CGREF1: variants seen among roughly 807,000 people sequenced by gnomAD.
CGREF1 encodes cell growth regulator with EF-hand domain 1.
Under a neutral mutation model 17.4 loss-of-function variants are expected in CGREF1, and 16 were observed. That is an observed-to-expected ratio of 0.92 (90% confidence interval 0.62 to 1.40). CGREF1 has a LOEUF of 1.40. Ranked by LOEUF, CGREF1 falls within the 40% of genes most tolerant of loss-of-function variation. The pLI, the probability that CGREF1 is intolerant of heterozygous loss-of-function variation, is 0.00. For synonymous variants in CGREF1, 142 were observed against 154.6 expected (o/e 0.92, Z 0.61); for missense variants, 296 against 376.4 (o/e 0.79, Z 1.77).
At position 27,101,050 on chromosome 2, in the gene CGREF1, T is replaced by C; in HGVS notation, c.*224A>G. 1.5e-6 allele frequency: 2 copies of C among 1,329,492 alleles called. No homozygotes were observed. Among genetic ancestry groups the C allele is most frequent in the Non-Finnish European group, 1.9e-6 (2 of 1,049,078 alleles). The allele number at this position is 1,329,492 out of a possible 1,614,324, so 82.4% of individuals were successfully genotyped here. On this transcript the variant is annotated 3_prime_UTR_variant, in exon 6 of 6. Coordinates refer to ENST00000402394, the MANE Select transcript of CGREF1 (RefSeq NM_006569.6). ...TTCCTCTGAGAGGGTCTGGGCAGGC[T>C]GGACGGGTAGAGAGGTGGCCGGGGG...
At chr2:27,099,512 G>A (rs549772974), downstream of CGREF1, 16 of 1,614,142 alleles carry the variant, frequency 9.9e-6, no homozygotes, top group South Asian at 9.9e-5. Flanking sequence ...CCGCCACCCC[G>A]CGTGGTGGAT....
chr2:27,110,339 C>T (rs1671318190), intron 1 of CGREF1, among the ~76,000 whole-genome samples: 1 of 152,000 alleles, frequency 6.6e-6, no homozygotes, highest in Non-Finnish European at 1.5e-5. Flanking sequence ...GACATTGAGG[C>T]AGTAGTAAGC....
chr2:27,105,910 G>C (rs2148386549), intron 1 of CGREF1, among the ~76,000 whole-genome samples: 1 of 152,266 alleles, frequency 6.6e-6, no homozygotes, highest in South Asian at 2.1e-4. Flanking sequence ...TAATTTGTTG[G>C]TGTCTATAAG....
At chr2:27,103,818 A>C (rs1037947941) in intron 2 of CGREF1, among the ~76,000 whole-genome samples, 9 of 152,002 alleles carry the variant, frequency 5.9e-5, no homozygotes, top group Non-Finnish European at 1.3e-4. Flanking sequence ...CCCCACCTCT[A>C]CTAAAAATAC....
At chr2:27,104,160 G>C in intron 2 of CGREF1, 127 bp downstream of exon 2, 3 of 912,030 alleles carry the variant, frequency 3.3e-6, no homozygotes, top group Non-Finnish European at 4.8e-6. Context: ...GCTGATGGCA[G>C]GGAGATACAG....
At chr2:27,118,639 C>T (rs1359867758) in intron 1 of CGREF1, 1 of 152,540 alleles carries the variant, frequency 6.6e-6, no homozygotes, top group Non-Finnish European at 1.5e-5. Context: ...GCCTCAGGCT[C>T]GCTCTCCAGT....
rs1263342313 is a variant in CGREF1, at chr2:27,116,917, CTCTCTCTT to C, written c.-12+1921_-12+1928del. ...TCTCTCTCTCTCTCTCTCTCTCTCT[CTCTCTCTT>C]TTTTTGAGACAGAGTCTCGCTCTGT... On this transcript the variant is annotated intron_variant, in intron 1 of 5. Coordinates refer to ENST00000402394, the MANE Select transcript of CGREF1 (RefSeq NM_006569.6). 2.8e-3 allele frequency among the ~76,000 whole-genome samples: 204 copies of C among 72,730 alleles called. 2 individuals carry two copies. Among genetic ancestry groups the C allele is most frequent in the Non-Finnish European group, 4.5e-3 (161 of 35,390 alleles). 47.7% of individuals were successfully genotyped at this position (72,730 alleles called of 152,430 possible). A position where few individuals can be genotyped will look rare whatever the true frequency, so the allele number is the denominator to read the frequency against.
rs767024293 is a variant in CGREF1 at position 27,110,470 on chromosome 2, TAAAG to T, written c.-11-6097_-11-6094del. 6.6e-5 allele frequency among the ~76,000 whole-genome samples: 10 copies of T among 151,538 alleles called. No homozygotes were observed. The East Asian group carries it at 9.7e-4, about 15-fold the overall frequency. On this transcript the variant is annotated intron_variant, in intron 1 of 5. Coordinates refer to ENST00000402394, the MANE Select transcript of CGREF1 (RefSeq NM_006569.6). ...CAGCACTAATAAAAGAGACTACACT[TAAAG>T]AAATTAAAATAAATGAAATAATAGC... is the stretch of plus-strand genomic sequence containing the variant.
At chr2:27,101,973 C>T (rs1273834174) in intron 5 of CGREF1, 85 bp from the exon 6 acceptor site, 2 of 1,567,176 alleles carry the variant, frequency 1.3e-6, no homozygotes, top group Non-Finnish European at 1.7e-6. Flanking sequence ...CCTTGCATCC[C>T]TGCCGTGCAA....
At chr2:27,116,372 TA>T (rs1671564170) in intron 1 of CGREF1, among the ~76,000 whole-genome samples, 1 of 151,200 alleles carries the variant, frequency 6.6e-6, no homozygotes, top group Non-Finnish European at 1.5e-5. Context: ...ACTAAAAATA[TA>T]AAAATTAGCC....
chr2:27,105,554 T>TCTTTC (rs1671087543), intron 1 of CGREF1, among the ~76,000 whole-genome samples: 1 of 151,488 alleles, frequency 6.6e-6, no homozygotes, highest in Non-Finnish European at 1.5e-5. Flanking sequence ...TTCTTTTTTT[T>TCTTTC]CTTTTTTTTT....
chr2:27,114,891 C>T (rs1671517569), intron 1 of CGREF1, among the ~76,000 whole-genome samples: 5 of 152,178 alleles, frequency 3.3e-5, no homozygotes, highest in Non-Finnish European at 5.9e-5. Flanking sequence ...AAGTCAACAT[C>T]AACGTTATCT....
At chr2:27,112,032 G>T (rs13423359) in intron 1 of CGREF1, among the ~76,000 whole-genome samples, 49,932 of 152,156 alleles carry the variant, frequency 0.33, 9,081 homozygotes, top group Admixed American at 0.5. Context: ...CACTTTGGGA[G>T]GCTGAGGCAG....
chr2:27,117,407 A>C (rs1027687830), intron 1 of CGREF1, among the ~76,000 whole-genome samples: 15 of 152,256 alleles, frequency 9.9e-5, no homozygotes, highest in African/African-American at 3.6e-4. Context: ...CTGTCCAATA[A>C]AAATGTCCCT....
chr2:27,115,542 T>A (rs768235681), intron 1 of CGREF1, among the ~76,000 whole-genome samples: 1 of 152,328 alleles, frequency 6.6e-6, no homozygotes, highest in East Asian at 1.9e-4. Context: ...CAAACTAATA[T>A]ACAAGCCTTT....
intron 4 of CGREF1, 45 bp downstream of exon 4, chr2:27,102,315 T>A (rs1475525800): frequency 1.2e-6 from 2 of 1,613,056 alleles, no homozygotes; most frequent in South Asian, 2.2e-5. Context: ...CAGATCTGGC[T>A]GCCCAGAGCC....
intron 1 of CGREF1, among the ~76,000 whole-genome samples, chr2:27,111,579 G>A (rs1671386168): frequency 6.6e-6 from 1 of 152,218 alleles, no homozygotes; most frequent in Non-Finnish European, 1.5e-5. Context: ...CGCTCGTTGG[G>A]AGGCTTGGGC....
chr2:27,104,413 G>C lies in CGREF1; in HGVS notation c.-11-36C>G, dbSNP rs549678386. 14 of 1,608,982 alleles carry C rather than the reference G, an allele frequency of 8.7e-6. No individual in the cohort carries two copies. In the South Asian group the frequency reaches 1.4e-4, roughly 17 times the overall value. The stretch of plus-strand genomic sequence containing the variant: ...GAAGAGAATCAGGGGTCGGGGGAAA[G>C]AGGCGTCTGCCACCGTGTCACAGAT... On this transcript the variant is annotated intron_variant, in intron 1 of 5. Transcript: ENST00000402394.
chr2:27,112,578 C>A (rs1027632065), intron 1 of CGREF1, among the ~76,000 whole-genome samples: 1 of 152,146 alleles, frequency 6.6e-6, no homozygotes, highest in African/African-American at 2.4e-5. Flanking sequence ...TCTGACCCAA[C>A]AATATCGTCT....
Sources: gnomAD v4.1 joint callset for allele counts (sites outside exome capture counted in the v4.1 genomes callset) on GRCh38, gnomAD v4.1.1 for gene constraint, MANE v1.5 for transcripts, NCBI Gene and HGNC (gene_info 2026-07-23, HGNC 2026-07-21) for gene names.